NAA15: variants seen among roughly 807,000 people sequenced by gnomAD.
The protein encoded by NAA15 is N-alpha-acetyltransferase 15, NatA auxiliary subunit, also known as N-terminal acetyltransferase.
Under a neutral mutation model 114.0 loss-of-function variants are expected in NAA15, and 34 were observed. The observed-to-expected ratio is 0.30, with a 90% CI of 0.23 to 0.40. The LOEUF is 0.40. Ranked by LOEUF, NAA15 falls within the 10% of genes least tolerant of loss-of-function variation. The pLI is 1.00. For missense variants in NAA15, 658 were observed against 1,004.5 expected, an observed-to-expected ratio of 0.66 and a Z score of 4.66; for synonymous variants, 340 against 338.0, an observed-to-expected ratio of 1.01 and a Z score of -0.06.
At chr4:139,377,663 G>C (rs922623958) in intron 16 of NAA15, among the ~76,000 whole-genome samples, 1 of 152,062 alleles carries the variant, frequency 6.6e-6, no homozygotes, top group Non-Finnish European at 1.5e-5. Flanking sequence ...ATTTACATAG[G>C]TATATAATAT....
rs916289656 is a variant in NAA15 at position 139,370,551 on chromosome 4, T to C, written c.1947+147T>C. Reference sequence around the variant, plus strand: ...ATTTTATTTTTTAGTATTCTTTCTTTAATATTTTGTTTCTGATCGTGTTTC... The same window carrying C: ...ATTTTATTTTTTAGTATTCTTTCTTCAATATTTTGTTTCTGATCGTGTTTC... On this transcript the variant is annotated intron_variant, in intron 15 of 19. Transcript: ENST00000296543. 8 of 678,918 alleles carry C rather than the reference T, an allele frequency of 1.2e-5. No individual in the cohort carries two copies. In the Admixed American group the frequency reaches 1.2e-4, roughly 11 times the overall value. 42.1% of individuals were successfully genotyped at this position (678,918 alleles called of 1,614,324 possible).
At position 139,390,706 on chromosome 4, in the gene NAA15, TTAGA is replaced by T. The variant is rs1309156877; in HGVS notation, c.*2626_*2629del. The T allele has an allele frequency of 6.6e-6, 1 of 152,350 alleles. No homozygotes were observed. Among genetic ancestry groups the T allele is most frequent in the Non-Finnish European group, 1.5e-5 (1 of 68,044 alleles). The allele number at this position is 152,350 out of a possible 1,614,324, so 9.4% of individuals were successfully genotyped here. ...ACTAGGTTAGTTTACTCAGCTTTAA[TTAGA>T]TAGTTGAGTCATATATTTTCAACAT... On this transcript the variant is annotated 3_prime_UTR_variant, in exon 20 of 20. Coordinates refer to ENST00000296543, the MANE Select transcript of NAA15 (RefSeq NM_057175.5).
chr4:139,362,013 G>A lies in NAA15; in HGVS notation c.1753+76G>A, dbSNP rs1736615637. 3 of 1,020,562 alleles carry A rather than the reference G, an allele frequency of 2.9e-6. No homozygotes were observed. In the South Asian group the frequency reaches 5.6e-5, roughly 19 times the overall value. 63.2% of individuals were successfully genotyped at this position (1,020,562 alleles called of 1,614,324 possible). On this transcript the variant is annotated intron_variant, in intron 14 of 19. Coordinates refer to ENST00000296543, the MANE Select transcript of NAA15 (RefSeq NM_057175.5). ...TGTGTATTATGTTTTTCATTTAATA[G>A]TATTGCTCCATGTCTTGAGCACCAC...
intron 9 of NAA15, among the ~76,000 whole-genome samples, chr4:139,353,032 G>A (rs985454135): frequency 5.9e-5 from 9 of 152,100 alleles, no homozygotes; most frequent in Non-Finnish European, 8.8e-5. Flanking sequence ...GTGGTCTTAT[G>A]TATAGAATCC....
At chr4:139,310,221 G>A (rs1319353417) in intron 1 of NAA15, among the ~76,000 whole-genome samples, 6 of 152,188 alleles carry the variant, frequency 3.9e-5, no homozygotes, top group African/African-American at 1.2e-4. Flanking sequence ...TTGGGAGGCC[G>A]AGGCGGGCGG....
intron 19 of NAA15, 82 bp downstream of exon 19, chr4:139,386,312 C>G: frequency 1.4e-6 from 1 of 698,554 alleles, no homozygotes. Context: ...TTTATACACA[C>G]TGTTTTTTAA....
chr4:139,387,849 G>A, intron 19 of NAA15, 35 bp from the exon 20 acceptor site: 3 of 1,539,044 alleles, frequency 1.9e-6, no homozygotes, highest in Non-Finnish European at 2.7e-6. Context: ...ACCTTTTTTT[G>A]ACCAGTTACA....
chr4:139,375,803 T>C (rs1420270688), intron 15 of NAA15, among the ~76,000 whole-genome samples: 1 of 150,732 alleles, frequency 6.6e-6, no homozygotes, highest in Non-Finnish European at 1.5e-5. Flanking sequence ...TTTATGTAAT[T>C]AATAAAAATT....
intron 1 of NAA15, among the ~76,000 whole-genome samples, chr4:139,325,658 A>AT (rs1178237013): frequency 6.6e-6 from 1 of 152,172 alleles, no homozygotes; most frequent in Non-Finnish European, 1.5e-5. Flanking sequence ...AATTTTATTT[A>AT]TTTTTTAAGA....
At chr4:139,346,625 G>A (rs1008707916) in intron 6 of NAA15, among the ~76,000 whole-genome samples, 5 of 151,442 alleles carry the variant, frequency 3.3e-5, no homozygotes, top group East Asian at 1.9e-4. Context: ...ATCTTGGCTC[G>A]CCGCAACCTC....
intron 14 of NAA15, among the ~76,000 whole-genome samples, chr4:139,365,064 T>C (rs1748239708): frequency 6.6e-6 from 1 of 152,032 alleles, no homozygotes; most frequent in Admixed American, 6.6e-5. Flanking sequence ...TGAGATGGAG[T>C]TTCGCTCTTT....
At position 139,301,682 on chromosome 4, in the gene NAA15, C is replaced by T. The variant is rs1745750707; in HGVS notation, c.-96C>T. The stretch of plus-strand genomic sequence containing the variant: ...GGTGGTGGCGGCGGATCGAGATATT[C>T]AAGGCTGAAGCAGCTACGGAACGGC... On this transcript the variant is annotated 5_prime_UTR_variant, in exon 1 of 20. Coordinates refer to ENST00000296543, the MANE Select transcript of NAA15 (RefSeq NM_057175.5). The T allele has an allele frequency of 7.1e-7, 1 of 1,418,028 alleles. No individual in the cohort carries two copies. The allele number at this position is 1,418,028 out of a possible 1,614,324, so 87.8% of individuals were successfully genotyped here.
At chr4:139,370,695 C>A (rs1448118684) in intron 15 of NAA15, among the ~76,000 whole-genome samples, 1 of 152,180 alleles carries the variant, frequency 6.6e-6, no homozygotes, top group Non-Finnish European at 1.5e-5. Flanking sequence ...TATATTTTCA[C>A]TGTGTGCCCT....
chr4:139,311,575 A>G (rs2110836565), intron 1 of NAA15, among the ~76,000 whole-genome samples: 1 of 152,052 alleles, frequency 6.6e-6, no homozygotes, highest in African/African-American at 2.4e-5. Context: ...AAGCATAATA[A>G]GAGGAAAATT....
chr4:139,359,975 A>G, intron 12 of NAA15, 80 bp downstream of exon 12: 6 of 1,359,900 alleles, frequency 4.4e-6, no homozygotes, highest in Non-Finnish European at 5.9e-6. Context: ...TTATTTTTCA[A>G]AGTTTGTCTT....
At position 139,384,929 on chromosome 4, in the gene NAA15, T is replaced by G; in HGVS notation, c.2253T>G (p.Asn751Lys). The G allele has an allele frequency of 6.4e-7, 1 of 1,568,904 alleles. No homozygotes were observed. The highest frequency in any genetic ancestry group is 8.6e-7 in the Non-Finnish European group (1 of 1,158,474). Reference sequence around the variant, plus strand: ...GAGCAACGAATCCAAAGAATTTTAATGAAACTTTTCTGAAAAGGAATTCTG... The same window carrying G: ...GAGCAACGAATCCAAAGAATTTTAAGGAAACTTTTCTGAAAAGGAATTCTG... ...LFGATNPKNF[N>K]ETFLKRNSDS... The change falls in exon 18 of 20, where the codon AAT becomes AAG. Residue 751 changes from asparagine (N) to lysine (K), a missense_variant. Around this residue, in one of 6 missense-constraint regions of NAA15, gnomAD observed 275 missense variants for 371.1 expected, o/e 0.74. Transcript: ENST00000296543.
At chr4:139,378,960 C>T (rs1748666028) in intron 17 of NAA15, 106 bp downstream of exon 17, 1 of 688,968 alleles carries the variant, frequency 1.5e-6, no homozygotes, top group Admixed American at 3.5e-5. Flanking sequence ...TTAAAGCTGT[C>T]ACATACTAAA....
At chr4:139,332,756 A>G (rs1428397335) in intron 1 of NAA15, among the ~76,000 whole-genome samples, 3 of 150,716 alleles carry the variant, frequency 2.0e-5, no homozygotes, top group East Asian at 2.0e-4. Context: ...TAATTTTTGT[A>G]TTTTTAGTGG....
Position 139,323,667 on chromosome 4 carries a change from G to A in NAA15, c.55-10507G>A, listed in dbSNP as rs551271471. Among the ~76,000 whole-genome samples the A allele has an allele frequency of 4.6e-5, 7 of 152,302 alleles. No homozygotes were observed. In the East Asian group the frequency reaches 1.3e-3, roughly 29 times the overall value. Reference sequence around the variant, plus strand: ...CTTACACCTATTCTGCAGTCTGGAAGATGCTTCTAGAGACAAATAGGGATT... The same window carrying A: ...CTTACACCTATTCTGCAGTCTGGAAAATGCTTCTAGAGACAAATAGGGATT... On this transcript the variant is annotated intron_variant, in intron 1 of 19. Transcript: ENST00000296543.
Sources: allele counts gnomAD v4.1 joint callset (sites outside exome capture counted in the v4.1 genomes callset), GRCh38; gene constraint gnomAD v4.1.1; regional missense constraint gnomAD v4.1.1; transcripts MANE v1.5; gene names NCBI Gene and HGNC (gene_info 2026-07-23, HGNC 2026-07-21).